The following WBP4 variants were observed in gnomAD, a reference collection of about 807,000 sequenced individuals.
WBP4 encodes the protein WW domain-binding protein 4.
WBP4 carries 37 observed loss-of-function variants against 55.4 expected under a neutral mutation model. That is an observed-to-expected ratio of 0.67 (90% CI 0.51 to 0.88). WBP4 has a LOEUF of 0.88. Among genes scored for constraint, WBP4 ranks in the 40% least tolerant of loss-of-function variants. The pLI is 0.00. For synonymous variants in WBP4, 142 were observed against 140.2 expected (o/e 1.01, Z -0.09); for missense variants, 398 against 420.8 (o/e 0.95, Z 0.47).
intron 6 of WBP4, among the ~76,000 whole-genome samples, chr13:41,071,838 A>C (rs1878259605): frequency 6.6e-6 from 1 of 151,948 alleles, no homozygotes. Context: ...GTCAGGAGTT[A>C]AAGACCAGCC....
At chr13:41,063,644 GAGTA>G (rs1472402853) in intron 2 of WBP4, among the ~76,000 whole-genome samples, 2 of 152,084 alleles carry the variant, frequency 1.3e-5, no homozygotes, top group Non-Finnish European at 2.9e-5. Flanking sequence ...GAGTTATCTA[GAGTA>G]AGTAATCCCT....
intron 4 of WBP4, among the ~76,000 whole-genome samples, chr13:41,066,908 CA>C (rs1877997844): frequency 6.6e-6 from 1 of 152,130 alleles, no homozygotes; most frequent in South Asian, 2.1e-4. Flanking sequence ...GACTGATGTA[CA>C]TTTTCATTAG....
intron 4 of WBP4, among the ~76,000 whole-genome samples, chr13:41,067,200 T>A (rs1460490282): frequency 6.6e-6 from 1 of 152,152 alleles, no homozygotes; most frequent in Non-Finnish European, 1.5e-5. Context: ...GCAATCCACC[T>A]GCCTGGGCTT....
chr13:41,064,634 A>C (rs1199098513), intron 2 of WBP4, among the ~76,000 whole-genome samples: 2 of 152,148 alleles, frequency 1.3e-5, no homozygotes, highest in East Asian at 3.9e-4. Flanking sequence ...AGAGCAATAA[A>C]ATTCTAAAGG....
At chr13:41,071,702 CT>C (rs1002914836) in intron 6 of WBP4, 129 bp downstream of exon 6, 99 of 786,328 alleles carry the variant, frequency 1.3e-4, no homozygotes, top group South Asian at 2.2e-4. Flanking sequence ...AAACTGTGTC[CT>C]TTTTTTTCCC....
At chr13:41,069,938 A>C (rs1878164641) in intron 5 of WBP4, among the ~76,000 whole-genome samples, 1 of 152,050 alleles carries the variant, frequency 6.6e-6, no homozygotes, top group Non-Finnish European at 1.5e-5. Flanking sequence ...AATATCAAAA[A>C]CATCTTTTTT....
intron 5 of WBP4, among the ~76,000 whole-genome samples, chr13:41,070,090 AAGG>A (rs1194461136): frequency 1.3e-5 from 2 of 152,330 alleles, no homozygotes; most frequent in South Asian, 2.1e-4. Context: ...AGCTTGATAA[AAGG>A]AGGAATTTTA....
intron 9 of WBP4, among the ~76,000 whole-genome samples, chr13:41,081,932 G>A (rs1878798610): frequency 6.6e-6 from 1 of 152,170 alleles, no homozygotes; most frequent in African/African-American, 2.4e-5. Context: ...CGATCTTTCC[G>A]GTCCATTTTC....
chr13:41,078,784 G>GCA (rs1878621373), intron 8 of WBP4, among the ~76,000 whole-genome samples: 2 of 151,906 alleles, frequency 1.3e-5, no homozygotes, highest in Non-Finnish European at 2.9e-5. Flanking sequence ...CTAAGATCGT[G>GCA]CCGTTGCATT....
Position 41,082,746 on chromosome 13 carries a change from T to C in WBP4, c.963T>C (p.Tyr321=), listed in dbSNP as rs781286697. The part of the protein sequence containing the change: ...DLELPSTENE[Y]VSTSEADGGG... ...AACTTCCAAGCACTGAAAATGAGTA[T>C]GTATCAACTTCAGAAGCTGATGGTG... Residue 321 remains tyrosine, a synonymous_variant, in exon 10 of 10, where the codon TAT becomes TAC. Transcript: ENST00000379487. The C allele has an allele frequency of 4.0e-5, 64 of 1,613,996 alleles. No individual in the cohort carries two copies. The highest frequency in any genetic ancestry group is 5.3e-5 in the Non-Finnish European group (62 of 1,180,014).
intron 7 of WBP4, 28 bp from the exon 8 acceptor site, chr13:41,076,016 T>C: frequency 6.3e-7 from 1 of 1,597,100 alleles, no homozygotes; most frequent in Non-Finnish European, 8.5e-7. Context: ...AATAACTAAA[T>C]AACATGACTT....
Position 41,065,067 on chromosome 13 carries a change from A to G in WBP4, c.127A>G (p.Arg43Gly). 6.3e-7 allele frequency: 1 copy of G among 1,597,448 alleles called. No homozygotes were observed. ...GKNHKENVAKRISEIKQKSLD... is the reference protein window; with the variant it reads ...GKNHKENVAKGISEIKQKSLD... ...GAATCATAAGGAAAATGTGGCAAAAAGGATCAGTGAGGTAATTTAGATTGT... is the reference window on the plus strand; with the variant it reads ...GAATCATAAGGAAAATGTGGCAAAAGGGATCAGTGAGGTAATTTAGATTGT... Residue 43 changes from arginine (R) to glycine (G), a missense_variant, in exon 3 of 10, where the codon AGG becomes GGG. Transcript: ENST00000379487.
chr13:41,068,684 T>C lies in WBP4; in HGVS notation c.386T>C (p.Val129Ala). The change falls in exon 5 of 10, where the codon GTA (valine) becomes GCA (alanine). Residue 129 changes from valine to alanine, a missense_variant. Transcript: ENST00000379487. ...RKKDPSKGRW[V>A]EGITSEGYHY... Reference sequence around the variant, plus strand: ...AAAGATCCTTCAAAGGGCAGATGGGTAGAAGGCATAACCTCTGAGGGTTAC... The same window carrying C: ...AAAGATCCTTCAAAGGGCAGATGGGCAGAAGGCATAACCTCTGAGGGTTAC... 1 of 1,613,282 alleles carries C rather than the reference T, an allele frequency of 6.2e-7. No individual in the cohort carries two copies. The highest frequency in any genetic ancestry group is 8.5e-7 in the Non-Finnish European group (1 of 1,179,760).
intron 2 of WBP4, 60 bp from the exon 3 acceptor site, chr13:41,064,956 C>T: frequency 3.6e-6 from 5 of 1,376,830 alleles, no homozygotes; most frequent in South Asian, 1.5e-5. Flanking sequence ...ATTATGTTTA[C>T]TATGAATTTT....
chr13:41,071,899 CCAGGCG>C (rs1050829303), intron 6 of WBP4, among the ~76,000 whole-genome samples: 6 of 152,002 alleles, frequency 3.9e-5, no homozygotes, highest in Admixed American at 1.3e-4. Flanking sequence ...AAAAAATTAG[CCAGGCG>C]CAGTCGCAGT....
At chr13:41,070,153 T>C (rs1936106416) in intron 5 of WBP4, among the ~76,000 whole-genome samples, 1 of 152,188 alleles carries the variant, frequency 6.6e-6, no homozygotes, top group Non-Finnish European at 1.5e-5. Flanking sequence ...CTCATAATAA[T>C]GTTGAATTCA....
At chr13:41,082,575 T>A in intron 9 of WBP4, 129 bp from the exon 10 acceptor site, 1 of 717,504 alleles carries the variant, frequency 1.4e-6, no homozygotes, top group South Asian at 1.9e-5. Context: ...AAGTCAGTAT[T>A]TTAAAGTAGT....
chr13:41,068,407 A>G (rs919752365), intron 4 of WBP4, among the ~76,000 whole-genome samples, 154 bp from the exon 5 acceptor site: 3 of 152,048 alleles, frequency 2.0e-5, no homozygotes, highest in African/African-American at 7.2e-5. Flanking sequence ...CTTCCCTTAC[A>G]TGTTTATTTT....
At position 41,082,878 on chromosome 13, in the gene WBP4, A is replaced by T. The variant is rs578074941; in HGVS notation, c.1095A>T (p.Lys365Asn). Residue 365 changes from lysine to asparagine, a missense_variant, in exon 10 of 10, where the codon AAA (lysine) becomes AAT (asparagine). Coordinates refer to ENST00000379487, the MANE Select transcript of WBP4 (RefSeq NM_007187.5). ...VFKKRRTENGKSRNLRQRGDD... is the reference protein window; with the variant it reads ...VFKKRRTENGNSRNLRQRGDD... ...AAAAGAGAAGAACTGAAAATGGAAAATCTAGAAATTTAAGGCAACGAGGTG... is the reference window on the plus strand; with the variant it reads ...AAAAGAGAAGAACTGAAAATGGAAATTCTAGAAATTTAAGGCAACGAGGTG... 2 of 1,614,096 alleles carry T rather than the reference A, an allele frequency of 1.2e-6. No individual in the cohort carries two copies. The highest frequency in any genetic ancestry group is 2.7e-5 in the African/African-American group (2 of 75,028).
Sources: gnomAD v4.1 joint callset for allele counts (sites outside exome capture counted in the v4.1 genomes callset) on GRCh38, gnomAD v4.1.1 for gene constraint, MANE v1.5 for transcripts, NCBI Gene and HGNC (gene_info 2026-07-23, HGNC 2026-07-21) for gene names.